The following ZNF585A variants were observed in gnomAD, a reference collection of about 807,000 sequenced individuals.
ZNF585A encodes zinc finger protein 585A.
In ZNF585A, 9 loss-of-function variants were observed where a neutral mutation model predicts 14.9. That is an observed-to-expected ratio of 0.60 (90% CI 0.36 to 1.05). ZNF585A has a LOEUF of 1.05. Among genes scored for constraint, ZNF585A ranks in the 50% least tolerant of loss-of-function variants. ZNF585A has a pLI of 0.01. For missense variants in ZNF585A, 726 were observed against 926.4 expected (o/e 0.78, Z 2.81); for synonymous variants, 276 against 319.9 (o/e 0.86, Z 1.46).
intron 4 of ZNF585A, among the ~76,000 whole-genome samples, chr19:37,155,022 A>G: frequency 7.4e-6 from 1 of 134,846 alleles, no homozygotes; most frequent in Admixed American, 7.7e-5. Flanking sequence ...TTTTTTTGAG[A>G]CGGAGTCTCG....
intron 2 of ZNF585A, among the ~76,000 whole-genome samples, chr19:37,161,177 T>C (rs944149254): frequency 1.3e-3 from 7 of 5,324 alleles, no homozygotes; most frequent in Admixed American, 7.7e-3. Context: ...ACAAACACAG[T>C]AACAAAAAAA....
chr19:37,158,084 C>A (rs1446651273), intron 2 of ZNF585A, among the ~76,000 whole-genome samples: 1 of 152,028 alleles, frequency 6.6e-6, no homozygotes, highest in Non-Finnish European at 1.5e-5. Context: ...GACAGGGTTT[C>A]ACCATGCTGG....
Position 37,153,588 on chromosome 19 carries a change from T to C in ZNF585A, c.311A>G (p.His104Arg). The stretch of plus-strand genomic sequence containing the variant: ...ACTGAGGATTTTTCTACATTGATTA[T>C]GGTCCCATAATTTCTCTCCTGTTGG... Reference protein sequence around the residue: ...QSCPGEKLWDHNQCRKILSYK... With the variant: ...QSCPGEKLWDRNQCRKILSYK... Residue 104 changes from histidine to arginine, a missense_variant, in exon 5 of 5, where the codon CAT becomes CGT. His to Arg is a conservative substitution (Grantham distance 29, BLOSUM62 0). Around this residue, in one of 2 missense-constraint regions of ZNF585A, gnomAD observed 483 missense variants for 542.8 expected, o/e 0.89. Transcript: ENST00000292841. 6.2e-7 allele frequency: 1 copy of C among 1,611,862 alleles called. No homozygotes were observed. Among genetic ancestry groups the C allele is most frequent in the Non-Finnish European group, 8.5e-7 (1 of 1,179,280 alleles).
intron 4 of ZNF585A, among the ~76,000 whole-genome samples, chr19:37,155,562 C>T (rs973095403): frequency 6.6e-6 from 1 of 151,790 alleles, no homozygotes. Context: ...GGCTGAGGCA[C>T]GAGAATTGCT....
Position 37,147,972 on chromosome 19 carries a change from T to G in ZNF585A, c.*3617A>C, listed in dbSNP as rs1480041836. The G allele has an allele frequency of 6.6e-6, 1 of 152,234 alleles. No individual in the cohort carries two copies. Among genetic ancestry groups the G allele is most frequent in the Non-Finnish European group, 1.5e-5 (1 of 68,034 alleles). 9.4% of individuals were successfully genotyped at this position (152,234 alleles called of 1,614,324 possible). Reference sequence around the variant, plus strand: ...CTAATTTGGGCAATTATACAATTGCTGTGAACATCTGAGTATAGGTTTTCA... The same window carrying G: ...CTAATTTGGGCAATTATACAATTGCGGTGAACATCTGAGTATAGGTTTTCA... On this transcript the variant is annotated 3_prime_UTR_variant, in exon 5 of 5. Transcript: ENST00000292841.
chr19:37,155,794 T>C, intron 4 of ZNF585A, 71 bp downstream of exon 4: 4 of 1,517,474 alleles, frequency 2.6e-6, no homozygotes, highest in African/African-American at 1.4e-5. Context: ...TCCAAGGGTG[T>C]TGGTGTTTCT....
chr19:37,155,810 C>A, intron 4 of ZNF585A, 55 bp downstream of exon 4: 2 of 1,582,912 alleles, frequency 1.3e-6, no homozygotes, highest in South Asian at 1.1e-5. Context: ...TTTCTCAAGA[C>A]AGCTGAGATT....
At chr19:37,167,593 T>TATTTTATTTTATTTTATTTC (rs1972114926) in intron 2 of ZNF585A, among the ~76,000 whole-genome samples, 1 of 124,122 alleles carries the variant, frequency 8.1e-6, no homozygotes, top group African/African-American at 3.9e-5. Context: ...TTTTTATTTT[T>TATTTTATTTTATTTTATTTC]ATTTTATTTT....
At chr19:37,155,696 G>T (rs946698030) in intron 4 of ZNF585A, among the ~76,000 whole-genome samples, 169 bp downstream of exon 4, 1 of 152,112 alleles carries the variant, frequency 6.6e-6, no homozygotes, top group Non-Finnish European at 1.5e-5. Context: ...CATCCAGGGA[G>T]AATGCATTTA....
intron 2 of ZNF585A, among the ~76,000 whole-genome samples, chr19:37,168,905 A>G (rs1490405066): frequency 6.6e-6 from 1 of 152,250 alleles, no homozygotes; most frequent in East Asian, 1.9e-4. Flanking sequence ...ACTTGTTTAT[A>G]GAACTAAGCA....
chr19:37,153,406 TC>T lies in ZNF585A; in HGVS notation c.492del (p.Lys165ArgfsTer17). Reference protein sequence around the residue: ...GEKLYVCIECGKAFVQKPEFI... With the variant: ...GEKLYVCIECXKAFVQKPEFI... ...AATTCTGGCTTCTGTACAAAAGCCT[TC>T]CCACATTCAATGCATACATAGAGCT... On this transcript the variant is annotated frameshift_variant, in exon 5 of 5. Coordinates refer to ENST00000292841, the MANE Select transcript of ZNF585A (RefSeq NM_001288800.2). LOFTEE classifies it low-confidence loss of function (END_TRUNC). 3 of 1,614,108 alleles carry T rather than the reference TC, an allele frequency of 1.9e-6. No individual in the cohort carries two copies. The highest frequency in any genetic ancestry group is 2.5e-6 in the Non-Finnish European group (3 of 1,180,022).
intron 4 of ZNF585A, among the ~76,000 whole-genome samples, chr19:37,155,590 G>A (rs1599748669): frequency 6.6e-6 from 1 of 151,986 alleles, no homozygotes; most frequent in Non-Finnish European, 1.5e-5. Context: ...AGGAGGCGGG[G>A]GTTGTAGTGA....
chr19:37,151,565 G>T lies in ZNF585A; in HGVS notation c.*24C>A, dbSNP rs111776093. ...GTGTACAATCAGACCCAACCCTCAGGGGGGTTTTCTCACACTGTTTCTCTC... is the reference window on the plus strand; with the variant it reads ...GTGTACAATCAGACCCAACCCTCAGTGGGGTTTTCTCACACTGTTTCTCTC... On this transcript the variant is annotated 3_prime_UTR_variant, in exon 5 of 5. Transcript: ENST00000292841. 0.039 allele frequency: 62,755 copies of T among 1,589,974 alleles called. 3,108 individuals carry two copies. Among genetic ancestry groups the T allele is most frequent in the African/African-American group, 0.24 (17,771 of 74,470 alleles).
Position 37,169,830 on chromosome 19 carries a change from C to T in ZNF585A, c.72+9G>A. On this transcript the variant is annotated intron_variant, in intron 2 of 4. Coordinates refer to ENST00000292841, the MANE Select transcript of ZNF585A (RefSeq NM_001288800.2). Reference sequence around the variant, plus strand: ...GAATTCCCACCCCCCTGGGACTCCTCCTTCTCACCTCATAGGAGCTGCCAT... The same window carrying T: ...GAATTCCCACCCCCCTGGGACTCCTTCTTCTCACCTCATAGGAGCTGCCAT... 1.2e-6 allele frequency: 2 copies of T among 1,611,296 alleles called. No homozygotes were observed. Among genetic ancestry groups the T allele is most frequent in the Non-Finnish European group, 1.7e-6 (2 of 1,179,980 alleles).
Position 37,152,970 on chromosome 19 carries a change from T to C in ZNF585A, c.929A>G (p.Lys310Arg). ...ACGTTGATGTACCTGAAGTTGTGAC[T>C]TGGAAATGAAGGATTTGCCACAGTT... ...CSNCGKSFIS[K>R]SQLQVHQRVH... Residue 310 changes from lysine to arginine, a missense_variant, in exon 5 of 5, where the codon AAG (lysine) becomes AGG (arginine). Physicochemically the swap from Lys to Arg is conservative, Grantham distance 26. Coordinates refer to ENST00000292841, the MANE Select transcript of ZNF585A (RefSeq NM_001288800.2). 1 of 1,614,262 alleles carries C rather than the reference T, an allele frequency of 6.2e-7. No homozygotes were observed. Among genetic ancestry groups the C allele is most frequent in the Non-Finnish European group, 8.5e-7 (1 of 1,180,050 alleles).
Position 37,146,514 on chromosome 19 carries a change from G to C in ZNF585A, c.*5075C>G, listed in dbSNP as rs746724680. The C allele has an allele frequency of 6.6e-6, 1 of 152,206 alleles. No homozygotes were observed. Among genetic ancestry groups the C allele is most frequent in the Non-Finnish European group, 1.5e-5 (1 of 68,088 alleles). The allele number at this position is 152,206 out of a possible 1,614,324, so 9.4% of individuals were successfully genotyped here. A position where few individuals can be genotyped will look rare whatever the true frequency, so the allele number is the denominator to read the frequency against. Reference sequence around the variant, plus strand: ...TTGGCTTTAAGCTGACTTTGGCCACGGGGTCAATGTCTGCCACACTGCATC... The same window carrying C: ...TTGGCTTTAAGCTGACTTTGGCCACCGGGTCAATGTCTGCCACACTGCATC... On this transcript the variant is annotated 3_prime_UTR_variant, in exon 5 of 5. Coordinates refer to ENST00000292841, the MANE Select transcript of ZNF585A (RefSeq NM_001288800.2).
intron 4 of ZNF585A, among the ~76,000 whole-genome samples, chr19:37,154,818 A>G (rs1971898455): frequency 6.6e-6 from 1 of 151,618 alleles, no homozygotes; most frequent in African/African-American, 2.4e-5. Context: ...GAAAGAAAAA[A>G]AAGAAAAAAG....
chr19:37,160,207 C>T (rs1440318914), intron 2 of ZNF585A, among the ~76,000 whole-genome samples: 1 of 151,652 alleles, frequency 6.6e-6, no homozygotes, highest in Admixed American at 6.6e-5. Flanking sequence ...GTAGTGTGCA[C>T]TTCCCAAATA....
chr19:37,162,814 C>T (rs1463721382), intron 2 of ZNF585A, among the ~76,000 whole-genome samples: 2 of 152,052 alleles, frequency 1.3e-5, no homozygotes, highest in African/African-American at 2.4e-5. Flanking sequence ...ACAACACACA[C>T]TGGGGCCTTT....
Sources: gnomAD v4.1 joint callset for allele counts (sites outside exome capture counted in the v4.1 genomes callset) on GRCh38, gnomAD v4.1.1 for gene constraint, gnomAD v4.1.1 regional missense constraint, MANE v1.5 for transcripts, NCBI Gene and HGNC (gene_info 2026-07-23, HGNC 2026-07-21) for gene names.